The following AGFG1 variants were observed in gnomAD, a reference collection of about 807,000 sequenced individuals.
The protein encoded by AGFG1 is ArfGAP with FG repeats 1.
A neutral mutation model predicts 60.6 loss-of-function variants in AGFG1; 10 were observed. The ratio of observed to expected loss-of-function variants is 0.16; its 90% CI spans 0.10 to 0.28. AGFG1 has a LOEUF of 0.28. Among genes scored for constraint, AGFG1 ranks in the 10% least tolerant of loss-of-function variants. AGFG1 has a pLI of 1.00. For synonymous variants in AGFG1, 247 were observed against 242.9 expected, an observed-to-expected ratio of 1.02 and a Z score of -0.16; for missense variants, 537 against 676.5, an observed-to-expected ratio of 0.79 and a Z score of 2.29.
At chr2:227,484,614 T>TAG (rs1435436860) in intron 1 of AGFG1, among the ~76,000 whole-genome samples, 1 of 151,950 alleles carries the variant, frequency 6.6e-6, no homozygotes, top group Non-Finnish European at 1.5e-5. Flanking sequence ...TCTCAAGACT[T>TAG]TCTTGGGTCA....
At chr2:227,478,239 T>TA (rs11383048) in intron 1 of AGFG1, among the ~76,000 whole-genome samples, 81,794 of 143,708 alleles carry the variant, frequency 0.57, 22,930 homozygotes, top group South Asian at 0.69. Context: ...AAGCAATCAG[T>TA]AAAAAAAAAA....
chr2:227,531,331 A>G (rs142160710), intron 6 of AGFG1, 121 bp downstream of exon 6: 34 of 1,199,194 alleles, frequency 2.8e-5, no homozygotes, highest in East Asian at 2.3e-4. Context: ...AAATGGTTCT[A>G]TCTTCAAAAG....
chr2:227,497,165 T>C (rs1575074049), intron 2 of AGFG1, among the ~76,000 whole-genome samples: 7 of 137,460 alleles, frequency 5.1e-5, no homozygotes, highest in African/African-American at 1.3e-4. Flanking sequence ...CACCCCCTCT[T>C]CCCCCCCCAC....
At chr2:227,487,851 CTT>C (rs945102201) in intron 1 of AGFG1, among the ~76,000 whole-genome samples, 9 of 152,256 alleles carry the variant, frequency 5.9e-5, no homozygotes, top group Non-Finnish European at 1.2e-4. Flanking sequence ...TTCTCAGACT[CTT>C]ATAAGCATGT....
chr2:227,523,678 G>C lies in AGFG1; in HGVS notation c.378-85G>C, dbSNP rs7606276. ...ATAAGATTAATGGTGAAACAATCTT[G>C]TACAAAGTTAGAATTAAGCTTATCA... On this transcript the variant is annotated intron_variant, in intron 3 of 12. Coordinates refer to ENST00000310078, the MANE Select transcript of AGFG1 (RefSeq NM_004504.5). The C allele has an allele frequency of 1.3e-3, 1,765 of 1,307,506 alleles. 12 individuals are homozygous for C. In the African/African-American group the frequency reaches 0.02, roughly 15 times the overall value. The allele number at this position is 1,307,506 out of a possible 1,614,324, so 81.0% of individuals were successfully genotyped here.
At chr2:227,523,116 G>A (rs1458211003) in intron 3 of AGFG1, among the ~76,000 whole-genome samples, 2 of 152,076 alleles carry the variant, frequency 1.3e-5, no homozygotes, top group Admixed American at 1.3e-4. Context: ...TGGCACTTCT[G>A]GTGCACAAAG....
intron 2 of AGFG1, among the ~76,000 whole-genome samples, chr2:227,502,872 A>G (rs60002368): frequency 0.045 from 6,848 of 152,216 alleles, 233 homozygotes; most frequent in Middle Eastern, 0.11. Flanking sequence ...ATGAATATAT[A>G]CACTTCTAGC....
intron 10 of AGFG1, among the ~76,000 whole-genome samples, chr2:227,543,696 G>A (rs1692559273): frequency 6.6e-6 from 1 of 152,180 alleles, no homozygotes; most frequent in Admixed American, 6.5e-5. Context: ...CAGAGTCCAA[G>A]TCCTGGATAT....
At chr2:227,478,573 A>G (rs985429392) in intron 1 of AGFG1, among the ~76,000 whole-genome samples, 8 of 152,218 alleles carry the variant, frequency 5.3e-5, no homozygotes, top group East Asian at 1.9e-4. Context: ...GGCTCAAGCA[A>G]TCCTCCTACC....
At chr2:227,526,631 C>T (rs1218698662) in intron 5 of AGFG1, among the ~76,000 whole-genome samples, 1 of 150,448 alleles carries the variant, frequency 6.6e-6, no homozygotes, top group Non-Finnish European at 1.5e-5. Context: ...CAACCTCTGC[C>T]TCCCGGGTTC....
chr2:227,512,157 C>G (rs1575086620), intron 2 of AGFG1, among the ~76,000 whole-genome samples: 1 of 152,310 alleles, frequency 6.6e-6, no homozygotes, highest in South Asian at 2.1e-4. Flanking sequence ...CACAAAGGCA[C>G]TATGCCTCAG....
intron 1 of AGFG1, among the ~76,000 whole-genome samples, chr2:227,487,058 A>G (rs11693120): frequency 0.072 from 10,966 of 152,214 alleles, 528 homozygotes; most frequent in Admixed American, 0.11. Context: ...GTATCACAGG[A>G]TTTGCGAGGG....
chr2:227,473,109 G>A (rs992057471), intron 1 of AGFG1, among the ~76,000 whole-genome samples: 1 of 148,530 alleles, frequency 6.7e-6, no homozygotes, highest in Non-Finnish European at 1.5e-5. Context: ...GGGTGGGAGG[G>A]AGGGACGCCT....
chr2:227,521,815 A>G (rs1022148282), intron 3 of AGFG1, among the ~76,000 whole-genome samples: 4 of 151,600 alleles, frequency 2.6e-5, no homozygotes, highest in Non-Finnish European at 4.4e-5. Context: ...TATTCATTCA[A>G]ACTATAACGC....
intron 5 of AGFG1, among the ~76,000 whole-genome samples, chr2:227,528,491 T>C (rs1692062897): frequency 2.0e-5 from 3 of 152,160 alleles, no homozygotes; most frequent in Admixed American, 2.0e-4. Context: ...TTTCACCTCT[T>C]GCGTTTGAGT....
chr2:227,544,185 C>T (rs1364354688), intron 10 of AGFG1, among the ~76,000 whole-genome samples: 5 of 114,222 alleles, frequency 4.4e-5, no homozygotes, highest in South Asian at 2.9e-4. Flanking sequence ...GACGGAGTCT[C>T]GCTTTGTCAC....
At chr2:227,472,657 G>A in intron 1 of AGFG1, 69 bp downstream of exon 1, 1 of 1,492,406 alleles carries the variant, frequency 6.7e-7, no homozygotes, top group Non-Finnish European at 9.0e-7. Context: ...GGCGGGACCG[G>A]GACCCTTCCG....
intron 1 of AGFG1, among the ~76,000 whole-genome samples, chr2:227,480,029 T>G (rs1251656471): frequency 6.6e-6 from 1 of 152,258 alleles, no homozygotes; most frequent in Non-Finnish European, 1.5e-5. Flanking sequence ...AGGTCATAAT[T>G]ATACCTTACT....
In AGFG1 at chr2:227,553,806, TTTAAAA is replaced by T; in HGVS notation, c.1629+17_1629+22del. ...AGTAATCCTTTTATGGTAAGCAAAA[TTTAAAA>T]TTAAATACTTTATAAGTTGTTAAAT... On this transcript the variant is annotated intron_variant, in intron 12 of 12. Transcript: ENST00000310078. 6.3e-7 allele frequency: 1 copy of T among 1,589,218 alleles called. No individual in the cohort carries two copies.
Sources: allele counts gnomAD v4.1 joint callset (sites outside exome capture counted in the v4.1 genomes callset), GRCh38; gene constraint gnomAD v4.1.1; transcripts MANE v1.5; gene names NCBI Gene and HGNC (gene_info 2026-07-23, HGNC 2026-07-21).